KPNA3: variants seen among roughly 807,000 people sequenced by gnomAD.
KPNA3 encodes importin subunit alpha-4.
In KPNA3, 13 loss-of-function variants were observed where a neutral mutation model predicts 73.8. That is an observed-to-expected ratio of 0.18 (90% CI 0.11 to 0.28). KPNA3 has a LOEUF of 0.28. KPNA3 is among the 10% of genes least tolerant of loss of function. KPNA3 has a pLI of 1.00. For synonymous variants in KPNA3, 186 were observed against 206.9 expected (o/e 0.90, Z 0.87); for missense variants, 360 against 618.1 (o/e 0.58, Z 4.43).
intron 12 of KPNA3, among the ~76,000 whole-genome samples, chr13:49,706,901 A>G (rs550779859): frequency 1.5e-4 from 23 of 152,084 alleles, no homozygotes; most frequent in Middle Eastern, 3.4e-3. Context: ...GGCACCTGTC[A>G]CCACGCCCAG....
chr13:49,738,756 G>T (rs912490367), intron 2 of KPNA3, among the ~76,000 whole-genome samples: 17 of 152,202 alleles, frequency 1.1e-4, no homozygotes, highest in Non-Finnish European at 2.4e-4. Flanking sequence ...GTTCTACATA[G>T]ATAATCACAT....
chr13:49,717,542 G>C (rs1407842270), intron 10 of KPNA3, among the ~76,000 whole-genome samples: 1 of 151,102 alleles, frequency 6.6e-6, no homozygotes, highest in African/African-American at 2.4e-5. Flanking sequence ...ATGTATTCTT[G>C]AGTTCTTAAT....
intron 1 of KPNA3, among the ~76,000 whole-genome samples, chr13:49,752,683 A>C (rs1206658311): frequency 5.3e-5 from 8 of 152,174 alleles, no homozygotes; most frequent in Admixed American, 5.2e-4. Context: ...GATAATGCTT[A>C]AGAGAAACAG....
At chr13:49,704,422 ATAAAT>A (rs1473140780) in intron 15 of KPNA3, among the ~76,000 whole-genome samples, 37 of 117,376 alleles carry the variant, frequency 3.2e-4, no homozygotes, top group Non-Finnish European at 5.9e-4. Flanking sequence ...CAAAAAAAAA[ATAAAT>A]AAATAAAAAA....
At chr13:49,729,984 T>C (rs891671099) in intron 6 of KPNA3, among the ~76,000 whole-genome samples, 5 of 152,164 alleles carry the variant, frequency 3.3e-5, no homozygotes, top group African/African-American at 9.7e-5. Context: ...CCAAAGTATA[T>C]GGCCTTTTAC....
At position 49,732,748 on chromosome 13, in the gene KPNA3, T is replaced by C; in HGVS notation, c.233A>G (p.Gln78Arg). 6.3e-7 allele frequency: 1 copy of C among 1,583,560 alleles called. No homozygotes were observed. The highest frequency in any genetic ancestry group is 8.6e-7 in the Non-Finnish European group (1 of 1,157,312). The change falls in exon 4 of 17, where the codon CAG becomes CGG. Residue 78 changes from glutamine (Q) to arginine (R), a missense_variant and splice_region_variant. Around this residue, in one of 3 missense-constraint regions of KPNA3, gnomAD observed 287 missense variants for 549.1 expected, o/e 0.52. Transcript: ENST00000261667. ...GAGAGTATTAATTTAGTAACATACC[T>C]GCAATATAGCTTCTAGGGTTACATT... ...AQNVTLEAIL[Q>R]NATSDNPVVQ...
At chr13:49,756,247 CACAGCG>C (rs1954710716) in intron 1 of KPNA3, among the ~76,000 whole-genome samples, 1 of 152,206 alleles carries the variant, frequency 6.6e-6, no homozygotes, top group African/African-American at 2.4e-5. Flanking sequence ...GCACTCCAGC[CACAGCG>C]ACAGAGATAG....
chr13:49,725,611 C>G (rs549767445), intron 6 of KPNA3, 110 bp from the exon 7 acceptor site: 41 of 628,984 alleles, frequency 6.5e-5, no homozygotes, highest in Non-Finnish European at 1.0e-4. Context: ...TGAATTTCAC[C>G]TTGTTATAAT....
intron 12 of KPNA3, among the ~76,000 whole-genome samples, chr13:49,709,269 C>T (rs565810816): frequency 2.6e-5 from 4 of 151,916 alleles, no homozygotes; most frequent in East Asian, 3.9e-4. Flanking sequence ...GGCGTGGTGG[C>T]GGGCACCTGT....
At chr13:49,772,618 C>T (rs1260497562) in intron 1 of KPNA3, among the ~76,000 whole-genome samples, 5 of 152,204 alleles carry the variant, frequency 3.3e-5, no homozygotes, top group East Asian at 1.9e-4. Flanking sequence ...GCCTGGCCAA[C>T]GTGGTGAAAC....
intron 1 of KPNA3, among the ~76,000 whole-genome samples, chr13:49,771,004 T>C (rs1351634651): frequency 6.6e-6 from 1 of 151,686 alleles, no homozygotes; most frequent in Non-Finnish European, 1.5e-5. Flanking sequence ...AATTCTGAAA[T>C]TGCTAAATAT....
Position 49,709,551 on chromosome 13 carries a change from TGAG to T in KPNA3, c.1032+18_1032+20del. 6.3e-7 allele frequency: 1 copy of T among 1,590,544 alleles called. No homozygotes were observed. Among genetic ancestry groups the T allele is most frequent in the South Asian group, 1.1e-5 (1 of 88,716 alleles). On this transcript the variant is annotated intron_variant, in intron 12 of 16. Transcript: ENST00000261667. ...TGAGACACAGAAAGAAATAGCATAA[TGAG>T]GACATTATATGCCTTACCTTATTTA...
In KPNA3 at chr13:49,701,625, T is replaced by C. The variant is rs1954148669; in HGVS notation, c.*175A>G. ...ATCATGCATATGCATTTACAGTCCA[T>C]GTGATAGTGACTTTTGGCAACTGCA... On this transcript the variant is annotated 3_prime_UTR_variant, in exon 17 of 17. Transcript: ENST00000261667. The C allele has an allele frequency of 1.3e-6, 1 of 748,272 alleles. No individual in the cohort carries two copies. The highest frequency in any genetic ancestry group is 2.5e-5 in the East Asian group (1 of 39,604). The allele number at this position is 748,272 out of a possible 1,614,324, so 46.4% of individuals were successfully genotyped here.
intron 1 of KPNA3, among the ~76,000 whole-genome samples, chr13:49,788,982 A>G (rs563934650): frequency 1.8e-4 from 27 of 152,226 alleles, no homozygotes; most frequent in African/African-American, 6.5e-4. Context: ...GCATCATCAA[A>G]TCCTCATTCC....
intron 2 of KPNA3, among the ~76,000 whole-genome samples, chr13:49,739,071 A>T (rs1954550073): frequency 6.6e-6 from 1 of 152,098 alleles, no homozygotes; most frequent in Non-Finnish European, 1.5e-5. Context: ...GCTTATTAAT[A>T]TGGGGGAATT....
rs1451302922 is a variant in KPNA3 at position 49,732,938 on chromosome 13, T to C, written c.204+19A>G. The C allele has an allele frequency of 2.6e-6, 4 of 1,536,246 alleles. No individual in the cohort carries two copies. Among genetic ancestry groups the C allele is most frequent in the Non-Finnish European group, 2.7e-6 (3 of 1,116,754 alleles). Reference sequence around the variant, plus strand: ...TATAAAAATTATTTTAAAATCACTATTAAAACATGGTAACTTACTGCTTTA... The same window carrying C: ...TATAAAAATTATTTTAAAATCACTACTAAAACATGGTAACTTACTGCTTTA... On this transcript the variant is annotated intron_variant, in intron 3 of 16. Coordinates refer to ENST00000261667, the MANE Select transcript of KPNA3 (RefSeq NM_002267.4).
At position 49,721,958 on chromosome 13, in the gene KPNA3, C is replaced by T; in HGVS notation, c.723G>A (p.Gln241=). ...KDPPPPMETV[Q]EILPALCVLI... Reference sequence around the variant, plus strand: ...GCCTTTACAATTCTTCATTTACCTCCTGAACTGTCTCCATAGGCGGCGGGG... The same window carrying T: ...GCCTTTACAATTCTTCATTTACCTCTTGAACTGTCTCCATAGGCGGCGGGG... Residue 241 remains glutamine (Q), a synonymous_variant, in exon 9 of 17, where the codon CAG becomes CAA. Transcript: ENST00000261667. 1 of 1,567,026 alleles carries T rather than the reference C, an allele frequency of 6.4e-7. No individual in the cohort carries two copies. Among genetic ancestry groups the T allele is most frequent in the Non-Finnish European group, 8.6e-7 (1 of 1,157,350 alleles).
chr13:49,731,074 C>T (rs865947543), intron 6 of KPNA3, among the ~76,000 whole-genome samples: 11 of 151,458 alleles, frequency 7.3e-5, no homozygotes, highest in Admixed American at 3.9e-4. Flanking sequence ...GCCACTGCAC[C>T]CAGCCGAATT....
chr13:49,731,223 T>G (rs369881654), intron 6 of KPNA3, among the ~76,000 whole-genome samples: 5 of 149,820 alleles, frequency 3.3e-5, no homozygotes, highest in African/African-American at 1.2e-4. Flanking sequence ...TATAGGCATG[T>G]GCCACCATGC....
Sources: gnomAD v4.1 joint callset for allele counts (sites outside exome capture counted in the v4.1 genomes callset) on GRCh38, gnomAD v4.1.1 for gene constraint, gnomAD v4.1.1 regional missense constraint, MANE v1.5 for transcripts, NCBI Gene and HGNC (gene_info 2026-07-23, HGNC 2026-07-21) for gene names.